Variants in SCYL2 observed in about 807,000 individuals in gnomAD.
SCYL2 encodes SCY1-like protein 2.
Under a neutral mutation model 100.4 loss-of-function variants are expected in SCYL2, and 36 were observed. The ratio of observed to expected loss-of-function variants is 0.36; its 90% CI spans 0.27 to 0.47. The LOEUF is 0.47. Ranked by LOEUF, SCYL2 falls within the 20% of genes least tolerant of loss-of-function variation. The pLI, the probability that SCYL2 is intolerant of heterozygous loss-of-function variation, is 1.00. For missense variants in SCYL2, 902 were observed against 1,083.9 expected, an observed-to-expected ratio of 0.83 and a Z score of 2.36; for synonymous variants, 330 against 359.2, an observed-to-expected ratio of 0.92 and a Z score of 0.92.
intron 10 of SCYL2, among the ~76,000 whole-genome samples, chr12:100,321,739 A>G (rs1172242190): frequency 6.6e-6 from 1 of 152,164 alleles, no homozygotes; most frequent in Non-Finnish European, 1.5e-5. Flanking sequence ...AGACACAGGT[A>G]CCTACACATT....
At chr12:100,271,308 A>ATCTT (rs1271788651) in intron 1 of SCYL2, among the ~76,000 whole-genome samples, 1 of 150,156 alleles carries the variant, frequency 6.7e-6, no homozygotes, top group Admixed American at 6.6e-5. Flanking sequence ...TCTTAAGATC[A>ATCTT]TCTTTCTTTA....
intron 13 of SCYL2, among the ~76,000 whole-genome samples, chr12:100,332,444 A>T (rs77153109): frequency 1.3e-5 from 2 of 152,174 alleles, no homozygotes; most frequent in African/African-American, 2.4e-5. Flanking sequence ...TTTCGAGGAT[A>T]GCAGTTTAGG....
chr12:100,336,736 G>A (rs1166061045), intron 16 of SCYL2, among the ~76,000 whole-genome samples: 1 of 151,960 alleles, frequency 6.6e-6, no homozygotes, highest in East Asian at 1.9e-4. Context: ...CTCCCCCTCT[G>A]ATTTTGAATA....
chr12:100,327,948 C>G (rs1952155861), intron 12 of SCYL2, among the ~76,000 whole-genome samples: 3 of 152,214 alleles, frequency 2.0e-5, no homozygotes, highest in Admixed American at 2.0e-4. Flanking sequence ...GGAAGGTACT[C>G]TAGGGATATC....
rs12307264 is a variant in SCYL2 at position 100,291,127 on chromosome 12, A to G, written c.178-376A>G. Among the ~76,000 whole-genome samples the G allele has an allele frequency of 5.0e-3, 765 of 152,336 alleles. 12 individuals are homozygous for G. The highest frequency in any genetic ancestry group is 0.017 in the African/African-American group (726 of 41,584). On this transcript the variant is annotated intron_variant, in intron 2 of 17. Coordinates refer to ENST00000360820, the MANE Select transcript of SCYL2 (RefSeq NM_017988.6). The stretch of plus-strand genomic sequence containing the variant: ...ACTTACAACCTTTCTTTCAAAAAGC[A>G]TTTCAAGATTTTGTAGTATACTTCA...
At position 100,287,318 on chromosome 12, in the gene SCYL2, A is replaced by G. The variant is rs561965450; in HGVS notation, c.177+4171A>G. ...GTTGTTTTCCAGAGAGGGGGTCTTA[A>G]TATGTTGCTCAGGCTGGGGTGCAAT... On this transcript the variant is annotated intron_variant, in intron 2 of 17. Transcript: ENST00000360820. 7.9e-5 allele frequency among the ~76,000 whole-genome samples: 12 copies of G among 152,108 alleles called. No homozygotes were observed. The East Asian group carries it at 2.3e-3, about 29-fold the overall frequency.
chr12:100,298,375 G>A (rs558480273), intron 4 of SCYL2, among the ~76,000 whole-genome samples, 200 bp downstream of exon 4: 64 of 152,310 alleles, frequency 4.2e-4, no homozygotes, highest in Admixed American at 1.4e-3. Flanking sequence ...ATATCAAACT[G>A]ATAACATTGG....
In SCYL2 at chr12:100,341,516, G is replaced by A. The variant is rs1323711448; in HGVS notation, c.*2344G>A. Reference sequence around the variant, plus strand: ...ATAAAAGGAAATGGAAATAGACTATGTACTTGTCTGGTTTTTGTTTGTTTT... The same window carrying A: ...ATAAAAGGAAATGGAAATAGACTATATACTTGTCTGGTTTTTGTTTGTTTT... On this transcript the variant is annotated 3_prime_UTR_variant, in exon 18 of 18. Transcript: ENST00000360820. The A allele has an allele frequency of 6.6e-6, 1 of 152,162 alleles. No homozygotes were observed. The highest frequency in any genetic ancestry group is 1.5e-5 in the Non-Finnish European group (1 of 67,996). The allele number at this position is 152,162 out of a possible 1,614,324, so 9.4% of individuals were successfully genotyped here. A position where few individuals can be genotyped will look rare whatever the true frequency, so the allele number is the denominator to read the frequency against.
chr12:100,298,407 T>C (rs894305880), intron 4 of SCYL2, among the ~76,000 whole-genome samples: 3 of 152,232 alleles, frequency 2.0e-5, no homozygotes, highest in Non-Finnish European at 4.4e-5. Flanking sequence ...GGGTCACTTA[T>C]TGGCTAGTGG....
intron 1 of SCYL2, among the ~76,000 whole-genome samples, chr12:100,270,597 T>C (rs1197094079): frequency 6.6e-6 from 1 of 151,860 alleles, no homozygotes; most frequent in Non-Finnish European, 1.5e-5. Flanking sequence ...TTTAAGCGTA[T>C]GTTGCCTGAA....
chr12:100,269,238 C>T (rs1027391393), intron 1 of SCYL2, among the ~76,000 whole-genome samples: 2 of 152,096 alleles, frequency 1.3e-5, no homozygotes, highest in African/African-American at 4.8e-5. Flanking sequence ...TTCCCTTTCT[C>T]CCCTAGTCAC....
At chr12:100,328,851 C>T (rs972366246) in intron 12 of SCYL2, among the ~76,000 whole-genome samples, 16 of 152,176 alleles carry the variant, frequency 1.1e-4, no homozygotes, top group African/African-American at 3.4e-4. Flanking sequence ...AGTATGATTT[C>T]TGAAATATAT....
chr12:100,274,170 A>T (rs1044440718), intron 1 of SCYL2, among the ~76,000 whole-genome samples: 3 of 152,230 alleles, frequency 2.0e-5, no homozygotes, highest in Non-Finnish European at 4.4e-5. Flanking sequence ...TTATATTTAC[A>T]TAAGTATAAT....
rs953131341 is a variant in SCYL2, at chr12:100,276,040, A to T, written c.-28-6903A>T. On this transcript the variant is annotated intron_variant, in intron 1 of 17. Coordinates refer to ENST00000360820, the MANE Select transcript of SCYL2 (RefSeq NM_017988.6). The stretch of plus-strand genomic sequence containing the variant: ...GAACCCCATTTGGTCGTGGGGTTGG[A>T]TGTGATGTTCTAATATCTTAAGGAT... Among the ~76,000 whole-genome samples, 61 of 152,136 alleles carry T rather than the reference A, an allele frequency of 4.0e-4. 1 individual carries two copies. Among genetic ancestry groups the T allele is most frequent in the Non-Finnish European group, 7.4e-4 (50 of 68,026 alleles).
At chr12:100,271,081 A>G (rs1331337518) in intron 1 of SCYL2, among the ~76,000 whole-genome samples, 7 of 152,190 alleles carry the variant, frequency 4.6e-5, no homozygotes, top group South Asian at 4.1e-4. Flanking sequence ...TTTGTTCTGT[A>G]TAAGATTAAA....
chr12:100,295,189 A>G (rs1190201204), intron 3 of SCYL2, among the ~76,000 whole-genome samples: 1 of 136,378 alleles, frequency 7.3e-6, no homozygotes. Flanking sequence ...TGGCGGCCGG[A>G]CGGAGACGCT....
At chr12:100,335,160 G>T (rs999390567) in intron 14 of SCYL2, among the ~76,000 whole-genome samples, 1 of 151,996 alleles carries the variant, frequency 6.6e-6, no homozygotes, top group Middle Eastern at 3.2e-3. Context: ...TTAATAACAA[G>T]TATTTATATT....
At chr12:100,308,769 G>C (rs2096338028) in intron 4 of SCYL2, among the ~76,000 whole-genome samples, 1 of 152,134 alleles carries the variant, frequency 6.6e-6, no homozygotes, top group Non-Finnish European at 1.5e-5. Context: ...CTCCAGTTCT[G>C]ACCTCTGTGA....
chr12:100,304,038 G>A (rs1023808947), intron 4 of SCYL2, among the ~76,000 whole-genome samples: 33 of 152,128 alleles, frequency 2.2e-4, no homozygotes, highest in African/African-American at 5.6e-4. Flanking sequence ...GAACTTCTAC[G>A]CGGCTTTGTT....
Sources: allele counts gnomAD v4.1 joint callset (sites outside exome capture counted in the v4.1 genomes callset), GRCh38; gene constraint gnomAD v4.1.1; transcripts MANE v1.5; gene names NCBI Gene and HGNC (gene_info 2026-07-23, HGNC 2026-07-21).